NT5DC3: variants seen among roughly 807,000 people sequenced by gnomAD.
NT5DC3 encodes 5'-nucleotidase domain containing 3, also known as 5'-nucleotidase domain-containing protein 3.
NT5DC3 carries 42 observed loss-of-function variants against 67.8 expected under a neutral mutation model. The ratio of observed to expected loss-of-function variants is 0.62; its 90% confidence interval spans 0.48 to 0.80. The LOEUF is 0.80. Ranked by LOEUF, NT5DC3 falls within the 30% of genes least tolerant of loss-of-function variation. The probability of loss-of-function intolerance (pLI) is 0.00; values close to 1 mark genes in which losing one functional copy is unlikely to be tolerated. For synonymous variants in NT5DC3, 237 were observed against 255.6 expected (o/e 0.93, Z 0.69); for missense variants, 570 against 696.4 (o/e 0.82, Z 2.04).
At chr12:103,750,029 CCA>C in the NT5DC3 span, among the ~76,000 whole-genome samples, 2 of 152,036 alleles carry the variant, frequency 1.3e-5, no homozygotes, top group African/African-American at 2.4e-5. Flanking sequence ...TCTCTGAGCC[CCA>C]GTTTTCTCAT....
rs1566096359 is a variant in NT5DC3, at chr12:103,777,828, G to C, written c.*1C>G. On this transcript the variant is annotated 3_prime_UTR_variant, in exon 14 of 14. Coordinates refer to ENST00000392876, the MANE Select transcript of NT5DC3 (RefSeq NM_001031701.3). ...TTACAGTTTCTAGTTTTTGCCCTTG[G>C]CTACTTGGCCTGGGCCTCCTGCAGG... is the stretch of plus-strand genomic sequence containing the variant. 6.2e-7 allele frequency: 1 copy of C among 1,607,760 alleles called. No individual in the cohort carries two copies.
At chr12:103,823,382 C>A (rs182465737) in intron 1 of NT5DC3, among the ~76,000 whole-genome samples, 101 of 152,256 alleles carry the variant, frequency 6.6e-4, no homozygotes, top group Admixed American at 1.0e-3. Flanking sequence ...AAGTACACGA[C>A]CTCACTTAAT....
intron 1 of NT5DC3, among the ~76,000 whole-genome samples, chr12:103,834,206 C>T (rs1888051298): frequency 1.3e-5 from 2 of 151,988 alleles, no homozygotes; most frequent in Admixed American, 1.3e-4. Flanking sequence ...GGGAAAACTG[C>T]AGCAGCTAAT....
At chr12:103,822,792 T>G (rs1372311122) in intron 1 of NT5DC3, among the ~76,000 whole-genome samples, 1 of 152,232 alleles carries the variant, frequency 6.6e-6, no homozygotes, top group Non-Finnish European at 1.5e-5. Context: ...TTAAAAATAT[T>G]CATACCCTTT....
intron 5 of NT5DC3, among the ~76,000 whole-genome samples, chr12:103,798,198 G>A (rs1015081931): frequency 2.0e-5 from 3 of 152,192 alleles, no homozygotes; most frequent in African/African-American, 7.2e-5. Flanking sequence ...TAGAAAAGCA[G>A]AGGTTTCCCT....
rs1439864460 is a variant in NT5DC3 at position 103,775,027 on chromosome 12, A to C, written c.*2802T>G. 2.6e-5 allele frequency: 4 copies of C among 151,314 alleles called. No homozygotes were observed. The East Asian group carries it at 7.8e-4, about 29-fold the overall frequency. 9.4% of individuals were successfully genotyped at this position (151,314 alleles called of 1,614,324 possible). On this transcript the variant is annotated 3_prime_UTR_variant, in exon 14 of 14. Transcript: ENST00000392876. ...CCTTGCCTCAAAAAAAAAAAAAAAA[A>C]GTCATGACAGCGACAAGTTAAAATC...
At chr12:103,789,866 A>C (rs1433199645) in intron 9 of NT5DC3, among the ~76,000 whole-genome samples, 1 of 152,178 alleles carries the variant, frequency 6.6e-6, no homozygotes, top group African/African-American at 2.4e-5. Flanking sequence ...AAATACTATG[A>C]AAAAAAGGTA....
chr12:103,775,148 G>A lies in NT5DC3; in HGVS notation c.*2681C>T, dbSNP rs577472748. 5.9e-5 allele frequency: 9 copies of A among 152,286 alleles called. No homozygotes were observed. Among genetic ancestry groups the A allele is most frequent in the African/African-American group, 1.7e-4 (7 of 41,532 alleles). 9.4% of individuals were successfully genotyped at this position (152,286 alleles called of 1,614,324 possible). ...CTGTGTTCGGCCCCGTTACCGCCAC[G>A]ACATGGGTCTACAGTCTGCAAGGTA... On this transcript the variant is annotated 3_prime_UTR_variant, in exon 14 of 14. Coordinates refer to ENST00000392876, the MANE Select transcript of NT5DC3 (RefSeq NM_001031701.3).
chr12:103,794,614 T>G (rs1243250068), intron 6 of NT5DC3, among the ~76,000 whole-genome samples: 2 of 152,278 alleles, frequency 1.3e-5, no homozygotes, highest in Admixed American at 6.5e-5. Context: ...TATCCAGTAC[T>G]GTGAACAAAT....
At chr12:103,750,965 GC>G in the NT5DC3 span, among the ~76,000 whole-genome samples, 2 of 152,312 alleles carry the variant, frequency 1.3e-5, no homozygotes, top group African/African-American at 4.8e-5. Flanking sequence ...GGCAGTGCGC[GC>G]CTGTAATCCC....
rs1247369974 is a variant in NT5DC3 at position 103,777,734 on chromosome 12, A to G, written c.*95T>C. 3.7e-6 allele frequency: 5 copies of G among 1,342,774 alleles called. No homozygotes were observed. The East Asian group carries it at 9.2e-5, about 25-fold the overall frequency. 83.2% of individuals were successfully genotyped at this position (1,342,774 alleles called of 1,614,324 possible). On this transcript the variant is annotated 3_prime_UTR_variant, in exon 14 of 14. Coordinates refer to ENST00000392876, the MANE Select transcript of NT5DC3 (RefSeq NM_001031701.3). ...AATAAATATCAAAAGGCTTATCTGTATCTTTTCCAAAAGCAACACTCAGAC... is the reference window on the plus strand; with the variant it reads ...AATAAATATCAAAAGGCTTATCTGTGTCTTTTCCAAAAGCAACACTCAGAC...
At chr12:103,785,633 C>G (rs912428936) in intron 11 of NT5DC3, 158 bp from the exon 12 acceptor site, 8 of 781,024 alleles carry the variant, frequency 1.0e-5, no homozygotes, top group African/African-American at 1.7e-5. Context: ...TTAATTAAAA[C>G]CTATTTGGCC....
At chr12:103,772,301 A>C (rs1442746376), downstream of NT5DC3, 10 of 152,530 alleles carry the variant, frequency 6.6e-5, no homozygotes, top group South Asian at 1.7e-3. Flanking sequence ...CTGACAATAA[A>C]CCAGATGATA....
At chr12:103,785,954 C>G (rs1334716700) in intron 11 of NT5DC3, among the ~76,000 whole-genome samples, 1 of 151,934 alleles carries the variant, frequency 6.6e-6, no homozygotes, top group African/African-American at 2.4e-5. Context: ...ATTCCAAATG[C>G]TGTCACCCCA....
At chr12:103,812,075 T>C (rs1323413628) in intron 2 of NT5DC3, among the ~76,000 whole-genome samples, 1 of 152,146 alleles carries the variant, frequency 6.6e-6, no homozygotes, top group Non-Finnish European at 1.5e-5. Context: ...AATCAAAATA[T>C]AGACAGTTAT....
At position 103,773,366 on chromosome 12, in the gene NT5DC3, A is replaced by T. The variant is rs1885237508; in HGVS notation, c.*4463T>A. The stretch of plus-strand genomic sequence containing the variant: ...GGCCTTTTACAGGAAAAGTTTGCTG[A>T]CCCTGCATTAAGGGTACTTCATTCC... On this transcript the variant is annotated 3_prime_UTR_variant, in exon 14 of 14. Transcript: ENST00000392876. 2 of 152,184 alleles carry T rather than the reference A, an allele frequency of 1.3e-5. No homozygotes were observed. The highest frequency in any genetic ancestry group is 2.9e-5 in the Non-Finnish European group (2 of 68,028). The allele number at this position is 152,184 out of a possible 1,614,324, so 9.4% of individuals were successfully genotyped here. A position where few individuals can be genotyped will look rare whatever the true frequency, so the allele number is the denominator to read the frequency against.
At position 103,801,128 on chromosome 12, in the gene NT5DC3, A is replaced by C. The variant is rs373093575; in HGVS notation, c.525-2451T>G. On this transcript the variant is annotated intron_variant, in intron 4 of 13. Coordinates refer to ENST00000392876, the MANE Select transcript of NT5DC3 (RefSeq NM_001031701.3). ...CTGGCAGCACTCACTCCTGTGGGCC[A>C]AACATCATAAAATTCACCCTGGTGT... is the stretch of plus-strand genomic sequence containing the variant. Among the ~76,000 whole-genome samples, 370 of 152,222 alleles carry C rather than the reference A, an allele frequency of 2.4e-3. 1 individual carries two copies. Among genetic ancestry groups the C allele is most frequent in the African/African-American group, 8.4e-3 (348 of 41,530 alleles).
chr12:103,820,864 G>T (rs1252779351), intron 1 of NT5DC3: 1 of 152,276 alleles, frequency 6.6e-6, no homozygotes, highest in Non-Finnish European at 1.5e-5. Flanking sequence ...CCCAAAGGCT[G>T]CCTGTGGTAA....
the NT5DC3 span, among the ~76,000 whole-genome samples, chr12:103,765,400 G>A: frequency 0.021 from 3,254 of 152,266 alleles, 117 homozygotes; most frequent in African/African-American, 0.075. Context: ...ACAAAGTGAC[G>A]TGCTACATTC....
Sources: allele counts gnomAD v4.1 joint callset (sites outside exome capture counted in the v4.1 genomes callset), GRCh38; gene constraint gnomAD v4.1.1; transcripts MANE v1.5; gene names NCBI Gene and HGNC (gene_info 2026-07-23, HGNC 2026-07-21).